The following KDM4B variants were observed in gnomAD, a reference collection of about 807,000 sequenced individuals.
KDM4B encodes the protein lysine demethylase 4B, also known as lysine-specific demethylase 4B.
In KDM4B, 32 loss-of-function variants were observed where a neutral mutation model predicts 125.2. The observed-to-expected ratio is 0.26, with a 90% confidence interval of 0.19 to 0.34. The LOEUF (loss-of-function observed/expected upper bound fraction) is 0.34. Ranked by LOEUF, KDM4B falls within the 10% of genes least tolerant of loss-of-function variation. KDM4B has a pLI of 1.00. For synonymous variants in KDM4B, 721 were observed against 677.9 expected, an observed-to-expected ratio of 1.06 and a Z score of -0.99; for missense variants, 1,190 against 1,577.7, an observed-to-expected ratio of 0.75 and a Z score of 4.16.
At position 5,119,046 on chromosome 19, in the gene KDM4B, TG is replaced by T. The variant is rs537228423; in HGVS notation, c.1116-605del. The stretch of plus-strand genomic sequence containing the variant: ...CCAGGGAGTTGGGGACAGAGCCAGG[TG>T]GCCAGGACCAGGCGTCCTGGGGAGT... On this transcript the variant is annotated intron_variant, in intron 10 of 22. Coordinates refer to ENST00000159111, the MANE Select transcript of KDM4B (RefSeq NM_015015.3). 4.6e-4 allele frequency: 404 copies of T among 874,948 alleles called. 1 individual carries two copies. In the African/African-American group the frequency reaches 6.1e-3, roughly 13 times the overall value. The allele number at this position is 874,948 out of a possible 1,614,324, so 54.2% of individuals were successfully genotyped here.
intron 1 of KDM4B, among the ~76,000 whole-genome samples, chr19:5,012,827 C>T (rs2035771949): frequency 1.3e-5 from 2 of 152,252 alleles, no homozygotes; most frequent in Non-Finnish European, 2.9e-5. Context: ...TCATCATCCT[C>T]TCCCCGGGAT....
chr19:4,986,515 C>A (rs555283242), intron 1 of KDM4B, among the ~76,000 whole-genome samples: 2 of 152,182 alleles, frequency 1.3e-5, no homozygotes, highest in African/African-American at 4.8e-5. Flanking sequence ...CATGGCAGGT[C>A]GGCGGGCACA....
intron 6 of KDM4B, among the ~76,000 whole-genome samples, chr19:5,056,256 G>A (rs764168226): frequency 1.4e-4 from 22 of 152,202 alleles, no homozygotes; most frequent in Non-Finnish European, 2.9e-4. Flanking sequence ...CAAAGGCGCA[G>A]CCATCAGCGT....
rs576339108 is a variant in KDM4B at position 5,085,801 on chromosome 19, C to G, written c.918+3297C>G. Among the ~76,000 whole-genome samples the G allele has an allele frequency of 1.6e-4, 25 of 152,340 alleles. No individual in the cohort carries two copies. The East Asian group carries it at 4.8e-3, about 29-fold the overall frequency. On this transcript the variant is annotated intron_variant, in intron 9 of 22. Coordinates refer to ENST00000159111, the MANE Select transcript of KDM4B (RefSeq NM_015015.3). ...GTGGCCGTCGGGGGGGTCGGTGGCT[C>G]TCAGGCTTCTTGGCGGGGCAGCCGG... is the stretch of plus-strand genomic sequence containing the variant.
At position 5,037,918 on chromosome 19, in the gene KDM4B, G is replaced by A. The variant is rs143132469; in HGVS notation, c.142-1918G>A. ...GCCACGGAGGCAGCACCTTCCTGTC[G>A]TTAACAGGCACCTGGAGGATAAGTG... On this transcript the variant is annotated intron_variant, in intron 3 of 22. Transcript: ENST00000159111. Among the ~76,000 whole-genome samples the A allele has an allele frequency of 3.7e-3, 564 of 152,376 alleles. 7 individuals carry two copies. The highest frequency in any genetic ancestry group is 1.8e-3 in the Non-Finnish European group (123 of 68,038).
intron 11 of KDM4B, among the ~76,000 whole-genome samples, chr19:5,126,638 G>C (rs1466812740): frequency 6.6e-6 from 1 of 152,248 alleles, no homozygotes; most frequent in African/African-American, 2.4e-5. Context: ...AACACGGAAA[G>C]CAAAGGCTGC....
intron 9 of KDM4B, among the ~76,000 whole-genome samples, chr19:5,095,214 C>T (rs1026221003): frequency 9.2e-5 from 14 of 152,158 alleles, no homozygotes; most frequent in African/African-American, 3.4e-4. Context: ...AATGTTCCGC[C>T]CTGGTTCCTG....
In KDM4B at chr19:5,042,070, C is replaced by T. The variant is rs73919706; in HGVS notation, c.432+819C>T. Among the ~76,000 whole-genome samples, 280 of 152,330 alleles carry T rather than the reference C, an allele frequency of 1.8e-3. 3 individuals are homozygous for T. The highest frequency in any genetic ancestry group is 6.1e-3 in the African/African-American group (253 of 41,570). On this transcript the variant is annotated intron_variant, in intron 5 of 22. Coordinates refer to ENST00000159111, the MANE Select transcript of KDM4B (RefSeq NM_015015.3). ...GCCAGGCATAAGCCAGCCTTGCTTC[C>T]GGCCCCACCAGAAGCAAACATGAGA...
At chr19:5,047,402 T>A in intron 5 of KDM4B, 74 bp from the exon 6 acceptor site, 1 of 1,403,978 alleles carries the variant, frequency 7.1e-7, no homozygotes, top group Non-Finnish European at 9.7e-7. Context: ...CTGGGGAGAA[T>A]TAGCCTGCAC....
intron 14 of KDM4B, 130 bp downstream of exon 14, chr19:5,134,191 G>A: frequency 1.2e-6 from 1 of 852,826 alleles, no homozygotes; most frequent in Non-Finnish European, 1.8e-6. Context: ...CCCGAGTTGT[G>A]AGGGCTTGTT....
At chr19:5,089,343 C>T (rs530709330) in intron 9 of KDM4B, among the ~76,000 whole-genome samples, 40 of 152,300 alleles carry the variant, frequency 2.6e-4, no homozygotes, top group African/African-American at 7.2e-4. Flanking sequence ...CTCTGGAACA[C>T]GTGCATACCG....
intron 10 of KDM4B, chr19:5,111,969 A>G (rs1304704567): frequency 6.3e-6 from 4 of 638,474 alleles, no homozygotes; most frequent in Middle Eastern, 2.5e-4. Context: ...AAATGTGAAC[A>G]TTGGCCAGGC....
At chr19:5,125,173 C>A (rs1346249965) in intron 11 of KDM4B, among the ~76,000 whole-genome samples, 1 of 152,256 alleles carries the variant, frequency 6.6e-6, no homozygotes, top group Non-Finnish European at 1.5e-5. Context: ...CAGGTATGAG[C>A]CACTGTGCCC....
At chr19:5,119,522 C>T in intron 10 of KDM4B, 131 bp from the exon 11 acceptor site, 1 of 919,828 alleles carries the variant, frequency 1.1e-6, no homozygotes, top group Non-Finnish European at 1.7e-6. Context: ...GGCCTCCAGC[C>T]AGGAGGCCCC....
intron 1 of KDM4B, among the ~76,000 whole-genome samples, chr19:4,998,920 G>A (rs1277343390): frequency 6.6e-6 from 1 of 152,170 alleles, no homozygotes; most frequent in Non-Finnish European, 1.5e-5. Context: ...CGCCCTATCA[G>A]GAGGCCCATC....
intron 1 of KDM4B, among the ~76,000 whole-genome samples, chr19:4,977,214 G>A (rs1009222847): frequency 6.6e-6 from 1 of 152,172 alleles, no homozygotes; most frequent in African/African-American, 2.4e-5. Flanking sequence ...CCTCTTTGGC[G>A]GTGGCCGAGC....
chr19:5,002,372 G>A (rs1309525004), intron 1 of KDM4B, among the ~76,000 whole-genome samples: 2 of 151,852 alleles, frequency 1.3e-5, no homozygotes, highest in African/African-American at 4.8e-5. Context: ...GCCCTGCAGA[G>A]TGTTTTTTTT....
At chr19:5,097,048 A>C (rs1180540286) in intron 9 of KDM4B, among the ~76,000 whole-genome samples, 1 of 152,100 alleles carries the variant, frequency 6.6e-6, no homozygotes, top group Non-Finnish European at 1.5e-5. Context: ...CAGGGCGGGG[A>C]GAAAAGAACA....
At chr19:5,089,352 C>T (rs11879342) in intron 9 of KDM4B, among the ~76,000 whole-genome samples, 2,648 of 152,270 alleles carry the variant, frequency 0.017, 71 homozygotes, top group African/African-American at 0.058. Flanking sequence ...ACGTGCATAC[C>T]GGTTCCATGT....
Sources: allele counts gnomAD v4.1 joint callset (sites outside exome capture counted in the v4.1 genomes callset), GRCh38; gene constraint gnomAD v4.1.1; transcripts MANE v1.5; gene names NCBI Gene and HGNC (gene_info 2026-07-23, HGNC 2026-07-21).